RASGRF2: variants seen among roughly 807,000 people sequenced by gnomAD.
The protein encoded by RASGRF2 is Ras protein specific guanine nucleotide releasing factor 2.
RASGRF2 carries 76 observed loss-of-function variants against 151.0 expected under a neutral mutation model. That is an observed-to-expected ratio of 0.50 (90% CI 0.42 to 0.61). The LOEUF is 0.61. Among genes scored for constraint, RASGRF2 ranks in the 20% least tolerant of loss-of-function variants. RASGRF2 has a pLI of 0.00. For synonymous variants in RASGRF2, 504 were observed against 566.5 expected (o/e 0.89, Z 1.57); for missense variants, 1,148 against 1,564.6 (o/e 0.73, Z 4.49).
intron 2 of RASGRF2, among the ~76,000 whole-genome samples, chr5:81,055,253 T>G (rs1103815): frequency 0.38 from 57,196 of 151,958 alleles, 11,055 homozygotes; most frequent in Middle Eastern, 0.62. Context: ...GTATGATATT[T>G]GCTGTGGGTT....
chr5:81,026,239 T>C (rs1750026621), intron 1 of RASGRF2, among the ~76,000 whole-genome samples: 1 of 151,748 alleles, frequency 6.6e-6, no homozygotes, highest in Non-Finnish European at 1.5e-5. Context: ...CTATTCTTCC[T>C]TTCTGTCTCC....
rs1231002364 is a variant in RASGRF2 at position 81,123,723 on chromosome 5, G to C, written c.2552G>C (p.Arg851Thr). The C allele has an allele frequency of 1.9e-6, 3 of 1,613,854 alleles. No homozygotes were observed. Among genetic ancestry groups the C allele is most frequent in the African/African-American group, 2.7e-5 (2 of 74,902 alleles). ...GACACCACAGAACTTTCACCTTGCA[G>C]ATCCCCCTCAACTCCTCGGCACCTC... ...AADTTELSPC[R>T]SPSTPRHLRY... Residue 851 changes from arginine (R) to threonine (T), a missense_variant, in exon 16 of 27, where the codon AGA becomes ACA. Coordinates refer to ENST00000265080, the MANE Select transcript of RASGRF2 (RefSeq NM_006909.3).
chr5:81,022,205 A>G (rs1018456228), intron 1 of RASGRF2, among the ~76,000 whole-genome samples: 4 of 152,272 alleles, frequency 2.6e-5, no homozygotes, highest in Admixed American at 1.3e-4. Flanking sequence ...GTGACTAACT[A>G]TGATTCTGCC....
intron 1 of RASGRF2, among the ~76,000 whole-genome samples, chr5:81,017,208 C>T (rs956922899): frequency 1.3e-5 from 2 of 152,326 alleles, no homozygotes; most frequent in African/African-American, 4.8e-5. Context: ...TCCACTATTA[C>T]AGCAATGACA....
At chr5:81,021,759 C>A (rs1465178221) in intron 1 of RASGRF2, among the ~76,000 whole-genome samples, 1 of 152,142 alleles carries the variant, frequency 6.6e-6, no homozygotes, top group African/African-American at 2.4e-5. Context: ...TTCCAGGGCA[C>A]TGGGATATAG....
chr5:80,994,758 G>T (rs572862071), intron 1 of RASGRF2, among the ~76,000 whole-genome samples: 33 of 152,260 alleles, frequency 2.2e-4, no homozygotes, highest in Non-Finnish European at 4.3e-4. Context: ...TCAAGCATGG[G>T]TATGTACTCT....
At chr5:81,166,473 C>G (rs1261202813) in intron 17 of RASGRF2, among the ~76,000 whole-genome samples, 2 of 152,166 alleles carry the variant, frequency 1.3e-5, no homozygotes, top group African/African-American at 4.8e-5. Flanking sequence ...CAGGTGTGAG[C>G]CACAGCACCT....
rs73768042 is a variant in RASGRF2 at position 81,207,828 on chromosome 5, G to A, written c.3071+479G>A. Among the ~76,000 whole-genome samples, 913 of 152,284 alleles carry A rather than the reference G, an allele frequency of 6.0e-3. 10 individuals carry two copies. Among genetic ancestry groups the A allele is most frequent in the African/African-American group, 0.021 (872 of 41,558 alleles). On this transcript the variant is annotated intron_variant, in intron 21 of 26. Coordinates refer to ENST00000265080, the MANE Select transcript of RASGRF2 (RefSeq NM_006909.3). ...GCGCTTTTCAGCCCTGACCACCTGCGCCCTCCTGAGCGCTGGGGAGAACAA... is the reference window on the plus strand; with the variant it reads ...GCGCTTTTCAGCCCTGACCACCTGCACCCTCCTGAGCGCTGGGGAGAACAA...
At chr5:81,004,323 C>T (rs752329619) in intron 1 of RASGRF2, among the ~76,000 whole-genome samples, 1 of 152,246 alleles carries the variant, frequency 6.6e-6, no homozygotes, top group Non-Finnish European at 1.5e-5. Context: ...AGGTCTCCTC[C>T]TTTATCTGAA....
rs766533714 is a variant in RASGRF2 at position 81,094,933 on chromosome 5, G to C, written c.1696G>C (p.Val566Leu). The C allele has an allele frequency of 6.2e-7, 1 of 1,603,166 alleles. No individual in the cohort carries two copies. The highest frequency in any genetic ancestry group is 1.7e-5 in the Admixed American group (1 of 58,938). ...VEPPDAAAFT[V>L]VLLAPSRQEK... Reference sequence around the variant, plus strand: ...GCCTCCTGACGCTGCCGCCTTCACTGTTGTCTTGTTAGCACCCTCACGCCA... The same window carrying C: ...GCCTCCTGACGCTGCCGCCTTCACTCTTGTCTTGTTAGCACCCTCACGCCA... The change falls in exon 12 of 27, where the codon GTT becomes CTT. Residue 566 changes from valine (V) to leucine (L), a missense_variant. Val to Leu is a conservative substitution (Grantham distance 32). This residue lies in a region of RASGRF2 where 646 missense variants were observed against 807.4 expected (regional missense o/e 0.80). Coordinates refer to ENST00000265080, the MANE Select transcript of RASGRF2 (RefSeq NM_006909.3).
chr5:81,000,674 G>C (rs537256733), intron 1 of RASGRF2, among the ~76,000 whole-genome samples: 3 of 152,286 alleles, frequency 2.0e-5, no homozygotes, highest in African/African-American at 7.2e-5. Flanking sequence ...CCCAATGCTG[G>C]TGTTTGTCAA....
intron 17 of RASGRF2, among the ~76,000 whole-genome samples, chr5:81,132,849 C>T (rs1469394434): frequency 1.3e-5 from 2 of 152,106 alleles, no homozygotes; most frequent in Non-Finnish European, 2.9e-5. Context: ...GGAAACACAC[C>T]TCAAGGAAAA....
intron 1 of RASGRF2, among the ~76,000 whole-genome samples, chr5:80,978,044 GAA>G (rs1049359604): frequency 1.3e-5 from 2 of 152,134 alleles, no homozygotes. Context: ...ATAGGTGAGT[GAA>G]AGAGTTTCTT....
At chr5:81,099,122 A>C (rs763550780) in intron 12 of RASGRF2, among the ~76,000 whole-genome samples, 1 of 152,214 alleles carries the variant, frequency 6.6e-6, no homozygotes, top group Non-Finnish European at 1.5e-5. Context: ...TCACTTCTGC[A>C]CAATTAAAGA....
intron 13 of RASGRF2, 54 bp from the exon 14 acceptor site, chr5:81,112,556 C>T (rs1477277462): frequency 5.6e-6 from 9 of 1,606,732 alleles, no homozygotes; most frequent in East Asian, 2.2e-5. Context: ...ATTCAGTGGC[C>T]GAGGGGGAAG....
chr5:81,057,650 C>A (rs1751268391), intron 2 of RASGRF2, among the ~76,000 whole-genome samples: 1 of 152,190 alleles, frequency 6.6e-6, no homozygotes, highest in Non-Finnish European at 1.5e-5. Context: ...GGGAAATTAG[C>A]ATATTAATCA....
At chr5:81,103,150 A>G (rs949914850) in intron 12 of RASGRF2, among the ~76,000 whole-genome samples, 1 of 152,142 alleles carries the variant, frequency 6.6e-6, no homozygotes, top group African/African-American at 2.4e-5. Flanking sequence ...AAAACTAGAA[A>G]CTACAGGACC....
In RASGRF2 at chr5:80,960,971, C is replaced by G; in HGVS notation, c.233C>G (p.Ala78Gly). The change falls in exon 1 of 27, where the codon GCG becomes GGG. Residue 78 changes from alanine (A) to glycine (G), a missense_variant. Coordinates refer to ENST00000265080, the MANE Select transcript of RASGRF2 (RefSeq NM_006909.3). The surrounding 1 kb of genome is among the most constrained non-coding windows in gnomAD (Gnocchi z 5.5). ...GGCTGCAGCTGCGAACGAACGCCCG[C>G]GCCACCCAGGGCCGGCGCCGGGCAG... ...LEGCSCERTP[A>G]PPRAGAGQGG... 5 of 1,561,604 alleles carry G rather than the reference C, an allele frequency of 3.2e-6. No individual in the cohort carries two copies. Among genetic ancestry groups the G allele is most frequent in the Non-Finnish European group, 4.4e-6 (5 of 1,145,286 alleles).
chr5:81,098,897 T>C (rs2112513988), intron 12 of RASGRF2, among the ~76,000 whole-genome samples: 1 of 152,366 alleles, frequency 6.6e-6, no homozygotes, highest in South Asian at 2.1e-4. Flanking sequence ...GCTTACTGAA[T>C]GCTTGAAATG....
Sources: allele counts gnomAD v4.1 joint callset (sites outside exome capture counted in the v4.1 genomes callset), GRCh38; gene constraint gnomAD v4.1.1; regional missense constraint gnomAD v4.1.1; non-coding constraint Gnocchi (gnomAD v3.1); transcripts MANE v1.5; gene names NCBI Gene and HGNC (gene_info 2026-07-23, HGNC 2026-07-21).